The following DLG2 variants were observed in gnomAD, a reference collection of about 807,000 sequenced individuals.
DLG2 encodes the protein disks large homolog 2.
DLG2 carries 45 observed loss-of-function variants against 132.5 expected under a neutral mutation model. The observed-to-expected ratio is 0.34, with a 90% CI of 0.27 to 0.44. The LOEUF (loss-of-function observed/expected upper bound fraction) is 0.44. DLG2 is among the 20% of genes least tolerant of loss of function. The pLI, the probability that DLG2 is intolerant of heterozygous loss-of-function variation, is 1.00. For synonymous variants in DLG2, 424 were observed against 419.6 expected (o/e 1.01, Z -0.13); for missense variants, 1,045 against 1,196.9 (o/e 0.87, Z 1.87).
intron 6 of DLG2, among the ~76,000 whole-genome samples, chr11:85,078,123 G>A (rs748421794): frequency 2.7e-5 from 4 of 150,828 alleles, no homozygotes; most frequent in African/African-American, 4.9e-5. Context: ...GTAAAAAACC[G>A]TGCAAAACAA....
chr11:84,466,806 A>G (rs544918281), intron 7 of DLG2, among the ~76,000 whole-genome samples: 1 of 151,482 alleles, frequency 6.6e-6, no homozygotes, highest in Admixed American at 6.6e-5. Context: ...TGTAAATACA[A>G]AACAGCGTAT....
At chr11:85,060,961 G>T (rs570527979) in intron 6 of DLG2, among the ~76,000 whole-genome samples, 1 of 151,422 alleles carries the variant, frequency 6.6e-6, no homozygotes, top group East Asian at 2.0e-4. Context: ...TCTCCTTGTG[G>T]TTTTGACTTG....
chr11:84,770,687 C>T (rs1174121104), intron 6 of DLG2, among the ~76,000 whole-genome samples: 2 of 148,652 alleles, frequency 1.3e-5, no homozygotes, highest in East Asian at 4.0e-4. Context: ...GTCGCTCAGG[C>T]TGGAGTGCGG....
At chr11:83,691,711 T>C (rs546963917) in intron 18 of DLG2, among the ~76,000 whole-genome samples, 1 of 152,218 alleles carries the variant, frequency 6.6e-6, no homozygotes, top group Non-Finnish European at 1.5e-5. Flanking sequence ...TTTGCTGTCC[T>C]GGAGAATATG....
chr11:83,998,135 C>CA (rs1016200141), intron 11 of DLG2, among the ~76,000 whole-genome samples: 51 of 150,240 alleles, frequency 3.4e-4, no homozygotes, highest in Admixed American at 2.3e-3. Flanking sequence ...GACCCCATCT[C>CA]AAAAAAAAGA....
chr11:84,397,016 A>G (rs1226157689), intron 7 of DLG2, among the ~76,000 whole-genome samples: 1 of 152,206 alleles, frequency 6.6e-6, no homozygotes, highest in Non-Finnish European at 1.5e-5. Context: ...AAATAATAAT[A>G]GTTATCATTT....
intron 7 of DLG2, among the ~76,000 whole-genome samples, chr11:84,281,482 G>A (rs2097854367): frequency 6.6e-6 from 1 of 150,846 alleles, no homozygotes; most frequent in Admixed American, 6.6e-5. Flanking sequence ...GGGTACATGT[G>A]CACAATGTGC....
At chr11:83,657,946 CAT>C (rs1381203644) in intron 18 of DLG2, among the ~76,000 whole-genome samples, 1 of 152,152 alleles carries the variant, frequency 6.6e-6, no homozygotes, top group East Asian at 1.9e-4. Context: ...TGAGCACACA[CAT>C]ATCAAAGAAG....
chr11:83,862,168 G>A (rs1206383593), intron 16 of DLG2, among the ~76,000 whole-genome samples: 1 of 152,172 alleles, frequency 6.6e-6, no homozygotes, highest in East Asian at 1.9e-4. Flanking sequence ...ATTCGCAATA[G>A]CCAAGATTTG....
At chr11:84,684,167 C>T (rs1193228578) in intron 6 of DLG2, among the ~76,000 whole-genome samples, 1 of 152,114 alleles carries the variant, frequency 6.6e-6, no homozygotes, top group Non-Finnish European at 1.5e-5. Context: ...ACTTTGGCTA[C>T]AATATCAAGG....
chr11:83,598,162 G>A (rs778566008), intron 19 of DLG2, among the ~76,000 whole-genome samples: 10 of 152,200 alleles, frequency 6.6e-5, no homozygotes, highest in Non-Finnish European at 1.0e-4. Context: ...GATGGCACAG[G>A]TTTAATTCTG....
intron 6 of DLG2, among the ~76,000 whole-genome samples, chr11:84,856,827 A>G (rs1453206843): frequency 6.6e-6 from 1 of 151,998 alleles, no homozygotes; most frequent in Non-Finnish European, 1.5e-5. Context: ...TCTCTATACT[A>G]GCCTTGCTGC....
chr11:84,131,616 G>A (rs2094426652), intron 9 of DLG2, among the ~76,000 whole-genome samples: 1 of 151,866 alleles, frequency 6.6e-6, no homozygotes, highest in Non-Finnish European at 1.5e-5. Flanking sequence ...CAGCAGGTAT[G>A]AGGTGGGGGT....
intron 6 of DLG2, among the ~76,000 whole-genome samples, chr11:85,015,414 A>G (rs1249334704): frequency 2.5e-4 from 1 of 4,008 alleles, no homozygotes; most frequent in African/African-American, 1.6e-3. Context: ...GTGTTATTTA[A>G]AAAAAAAAAA....
chr11:83,783,144 G>T (rs966984242), intron 18 of DLG2, among the ~76,000 whole-genome samples: 1 of 152,128 alleles, frequency 6.6e-6, no homozygotes, highest in Non-Finnish European at 1.5e-5. Context: ...TGGCAAAAAT[G>T]AATCACAATC....
chr11:83,525,537 A>G (rs1354971612), intron 21 of DLG2, among the ~76,000 whole-genome samples: 3 of 152,326 alleles, frequency 2.0e-5, no homozygotes, highest in Admixed American at 1.3e-4. Context: ...GTGAGCCAGG[A>G]AGACCAGTGA....
intron 19 of DLG2, among the ~76,000 whole-genome samples, chr11:83,606,822 G>T (rs1242801471): frequency 6.6e-6 from 1 of 152,124 alleles, no homozygotes; most frequent in East Asian, 1.9e-4. Context: ...AGCTGCTCAG[G>T]AGGCTGAGGC....
intron 19 of DLG2, among the ~76,000 whole-genome samples, chr11:83,590,977 G>T (rs1300061050): frequency 2.9e-4 from 44 of 151,588 alleles, no homozygotes; most frequent in African/African-American, 6.8e-4. Flanking sequence ...AATAACAGGA[G>T]CTGAAATTGT....
At chr11:84,232,314 A>G (rs2097104589) in intron 8 of DLG2, among the ~76,000 whole-genome samples, 2 of 152,246 alleles carry the variant, frequency 1.3e-5, no homozygotes, top group South Asian at 2.1e-4. Context: ...ATGAAAGCTC[A>G]TAATTTCCAC....
Sources: allele counts gnomAD v4.1 joint callset (sites outside exome capture counted in the v4.1 genomes callset), GRCh38; gene constraint gnomAD v4.1.1; transcripts MANE v1.5; gene names NCBI Gene and HGNC (gene_info 2026-07-23, HGNC 2026-07-21).